Variants in BAIAP2 observed in about 807,000 individuals in gnomAD.
BAIAP2 encodes the protein BAR/IMD domain-containing adapter protein 2.
BAIAP2 carries 18 observed loss-of-function variants against 63.0 expected under a neutral mutation model. The observed-to-expected ratio is 0.29, with a 90% CI of 0.20 to 0.42. The LOEUF is 0.42. BAIAP2 is among the 10% of genes least tolerant of loss of function. The pLI is 1.00. For missense variants in BAIAP2, 610 were observed against 734.3 expected, an observed-to-expected ratio of 0.83 and a Z score of 1.96; for synonymous variants, 386 against 307.6, an observed-to-expected ratio of 1.25 and a Z score of -2.67.
intron 13 of BAIAP2, chr17:81,109,394 AAG>A (rs1254520628): frequency 0.014 from 11,635 of 844,946 alleles, no homozygotes; most frequent in Middle Eastern, 0.032. Context: ...AAAAAAAAAA[AAG>A]AAAAAAAGAA....
At chr17:81,101,936 T>C (rs2145854176) in intron 7 of BAIAP2, among the ~76,000 whole-genome samples, 2 of 152,326 alleles carry the variant, frequency 1.3e-5, no homozygotes, top group Admixed American at 1.3e-4. Context: ...GTCTGCGCCC[T>C]CTGGCGGGGG....
Position 81,106,061 on chromosome 17 carries a change from T to TG in BAIAP2, c.1269-13dup. 1 of 1,566,106 alleles carries TG rather than the reference T, an allele frequency of 6.4e-7. No homozygotes were observed. The stretch of plus-strand genomic sequence containing the variant: ...CTCTGGGCTGAGCGTGGCTCTTACC[T>TG]GGGGCCTCTCTTCCAGGCGGGGCTG... On this transcript the variant is annotated splice_polypyrimidine_tract_variant and intron_variant, in intron 10 of 13. Transcript: ENST00000428708.
chr17:81,113,974 T>G (rs2060211974), intron 13 of BAIAP2, among the ~76,000 whole-genome samples: 1 of 145,748 alleles, frequency 6.9e-6, no homozygotes, highest in Admixed American at 6.8e-5. Flanking sequence ...TTTTTTTTTT[T>G]TTTTTTTTGA....
intron 11 of BAIAP2, 111 bp from the exon 12 acceptor site, chr17:81,106,634 C>A: frequency 1.5e-6 from 2 of 1,313,692 alleles, no homozygotes; most frequent in Non-Finnish European, 2.1e-6. Flanking sequence ...GAGCAGCCTC[C>A]CCGCATGTGG....
At chr17:81,071,174 T>C (rs2144796890) in intron 3 of BAIAP2, among the ~76,000 whole-genome samples, 1 of 152,010 alleles carries the variant, frequency 6.6e-6, no homozygotes, top group South Asian at 2.1e-4. Context: ...GGAGAAGAAC[T>C]CTGCTTCTCC....
At chr17:81,035,498 C>T (rs1047282144) in intron 1 of BAIAP2, among the ~76,000 whole-genome samples, 190 bp downstream of exon 1, 4 of 148,696 alleles carry the variant, frequency 2.7e-5, no homozygotes, top group Non-Finnish European at 6.0e-5. Context: ...GCGCCGGCCG[C>T]TCACAGGTGG....
Position 81,108,485 on chromosome 17 carries a change from A to G in BAIAP2, c.1511A>G (p.Asp504Gly). The G allele has an allele frequency of 6.2e-7, 1 of 1,613,794 alleles. No homozygotes were observed. The highest frequency in any genetic ancestry group is 8.5e-7 in the Non-Finnish European group (1 of 1,180,004). ...AVPAFSQGLD[D>G]YGARSMSRNP... ...TGCCTCTGCCCCCAGGGCCTGGATG[A>G]CTATGGAGCGCGGTCCATGAGCAGG... The change falls in exon 13 of 14, where the codon GAC becomes GGC. Residue 504 changes from aspartate to glycine, a missense_variant. Coordinates refer to ENST00000428708, the MANE Select transcript of BAIAP2 (RefSeq NM_001144888.2).
At position 81,103,907 on chromosome 17, in the gene BAIAP2, C is replaced by T. The variant is rs2058813985; in HGVS notation, c.865C>T (p.Arg289Trp). The T allele has an allele frequency of 1.2e-6, 2 of 1,612,844 alleles. No homozygotes were observed. The highest frequency in any genetic ancestry group is 8.5e-7 in the Non-Finnish European group (1 of 1,179,966). The change falls in exon 9 of 14, where the codon CGG becomes TGG. Residue 289 changes from arginine (R) to tryptophan (W), a missense_variant and splice_region_variant. Physicochemically the swap from Arg to Trp is moderately radical, Grantham distance 101. Coordinates refer to ENST00000428708, the MANE Select transcript of BAIAP2 (RefSeq NM_001144888.2). ...GCCTGCTCTGCCTGCTTCCCTGCAG[C>T]GGATGTCTGCCCAGGAGAGCACACC... ...VPPELAPFVG[R>W]MSAQESTPIM... is the part of the protein sequence containing the mutation.
intron 1 of BAIAP2, chr17:81,036,749 GTC>G: frequency 2.2e-6 from 2 of 904,410 alleles, no homozygotes; most frequent in Non-Finnish European, 3.4e-6. Context: ...GTTTCACAGA[GTC>G]TGTGGCATAC....
chr17:81,043,093 C>T (rs1053263356), intron 1 of BAIAP2, among the ~76,000 whole-genome samples: 11 of 152,066 alleles, frequency 7.2e-5, no homozygotes, highest in African/African-American at 2.7e-4. Context: ...TCTTTAACAC[C>T]TGGGGTCAAA....
At position 81,116,575 on chromosome 17, in the gene BAIAP2, A is replaced by G. The variant is rs528725586; in HGVS notation, c.*736A>G. The G allele has an allele frequency of 6.0e-6, 3 of 500,434 alleles. No homozygotes were observed. In the South Asian group the frequency reaches 7.6e-5, roughly 13 times the overall value. 31.0% of individuals were successfully genotyped at this position (500,434 alleles called of 1,614,324 possible). A position where few individuals can be genotyped will look rare whatever the true frequency, so the allele number is the denominator to read the frequency against. On this transcript the variant is annotated 3_prime_UTR_variant, in exon 14 of 14. Transcript: ENST00000428708. ...TCAGGTGCTATGCGGGGTCACCAGC[A>G]GAGTGCCCGCTGGCAGGTGGGGGCT...
intron 3 of BAIAP2, among the ~76,000 whole-genome samples, chr17:81,065,298 G>A (rs1014989688): frequency 6.6e-6 from 1 of 152,078 alleles, no homozygotes; most frequent in African/African-American, 2.4e-5. Context: ...GCAGTGCTGT[G>A]CCCGTCCCGG....
intron 3 of BAIAP2, among the ~76,000 whole-genome samples, chr17:81,081,120 C>CT (rs1257529768): frequency 4.6e-5 from 7 of 152,230 alleles, no homozygotes; most frequent in Admixed American, 1.3e-4. Flanking sequence ...TCCCAGTGTC[C>CT]AAGGGGCCCG....
intron 3 of BAIAP2, among the ~76,000 whole-genome samples, chr17:81,080,815 G>A (rs1342111145): frequency 2.0e-5 from 3 of 152,114 alleles, no homozygotes; most frequent in Admixed American, 6.5e-5. Flanking sequence ...CTAGGAGTTG[G>A]AGACCAGCCT....
intron 3 of BAIAP2, among the ~76,000 whole-genome samples, chr17:81,081,563 C>T (rs923656750): frequency 6.6e-6 from 1 of 152,160 alleles, no homozygotes; most frequent in African/African-American, 2.4e-5. Context: ...CGCCTGCTCA[C>T]GTCCAAGTGG....
chr17:81,115,751 C>T lies in BAIAP2; in HGVS notation c.1536-19C>T. 1 of 1,613,490 alleles carries T rather than the reference C, an allele frequency of 6.2e-7. No homozygotes were observed. The highest frequency in any genetic ancestry group is 2.2e-5 in the East Asian group (1 of 44,892). On this transcript the variant is annotated intron_variant, in intron 13 of 13. Coordinates refer to ENST00000428708, the MANE Select transcript of BAIAP2 (RefSeq NM_001144888.2). ...ATGGCTTCCGCCCTAAAAATTAAAACCACGTTTTTCTCTTTCAGGAATCCC... is the reference window on the plus strand; with the variant it reads ...ATGGCTTCCGCCCTAAAAATTAAAATCACGTTTTTCTCTTTCAGGAATCCC...
chr17:81,115,111 A>G (rs1452744747), intron 13 of BAIAP2, among the ~76,000 whole-genome samples: 1 of 152,066 alleles, frequency 6.6e-6, no homozygotes, highest in Non-Finnish European at 1.5e-5. Context: ...TCTTGTCTTG[A>G]GTCGTATTTG....
intron 13 of BAIAP2, 79 bp downstream of exon 13, chr17:81,108,588 A>T: frequency 1.3e-6 from 2 of 1,552,172 alleles, no homozygotes; most frequent in Non-Finnish European, 1.8e-6. Flanking sequence ...CTCTGCTAGG[A>T]CCTGGGGCCA....
rs541866623 is a variant in BAIAP2 at position 81,099,196 on chromosome 17, C to T, written c.490-732C>T. 2.0e-3 allele frequency among the ~76,000 whole-genome samples: 300 copies of T among 152,378 alleles called. 5 individuals are homozygous for T. The Middle Eastern group carries it at 0.027, about 14-fold the overall frequency. On this transcript the variant is annotated intron_variant, in intron 6 of 13. Coordinates refer to ENST00000428708, the MANE Select transcript of BAIAP2 (RefSeq NM_001144888.2). The stretch of plus-strand genomic sequence containing the variant: ...GCTTTCTGGGCTCCCAGTCTCCGCT[C>T]GGTGACCTCTTGTCTGATCCTCCCC...
Sources: allele counts gnomAD v4.1 joint callset (sites outside exome capture counted in the v4.1 genomes callset), GRCh38; gene constraint gnomAD v4.1.1; transcripts MANE v1.5; gene names NCBI Gene and HGNC (gene_info 2026-07-23, HGNC 2026-07-21).